CCNI: variants seen among roughly 807,000 people sequenced by gnomAD.
CCNI encodes cyclin I, also known as cyclin-I.
Under a neutral mutation model 34.1 loss-of-function variants are expected in CCNI, and 14 were observed. The ratio of observed to expected loss-of-function variants is 0.41; its 90% confidence interval spans 0.27 to 0.64. CCNI has a LOEUF of 0.64. Among genes scored for constraint, CCNI ranks in the 30% least tolerant of loss-of-function variants. The pLI is 0.31. For synonymous variants in CCNI, 154 were observed against 158.4 expected (o/e 0.97, Z 0.21); for missense variants, 385 against 440.5 (o/e 0.87, Z 1.13).
chr4:77,062,491 T>C (rs1038112913), intron 2 of CCNI, among the ~76,000 whole-genome samples: 14 of 151,144 alleles, frequency 9.3e-5, no homozygotes, highest in African/African-American at 3.4e-4. Context: ...GCCTGGGAAA[T>C]AGAGGCTGTA....
chr4:77,070,316 C>T (rs1729363458), intron 1 of CCNI, among the ~76,000 whole-genome samples: 1 of 149,426 alleles, frequency 6.7e-6, no homozygotes, highest in Non-Finnish European at 1.5e-5. Flanking sequence ...CACTCGTGGC[C>T]CTCATTAGCT....
intron 1 of CCNI, among the ~76,000 whole-genome samples, chr4:77,073,104 C>G (rs2109855187): frequency 1.3e-5 from 2 of 152,270 alleles, no homozygotes; most frequent in Admixed American, 1.3e-4. Context: ...TTACTGTATG[C>G]CTATTGTTGG....
chr4:77,059,587 C>G lies in CCNI; in HGVS notation c.115-952G>C, dbSNP rs945326458. On this transcript the variant is annotated intron_variant, in intron 2 of 6. Coordinates refer to ENST00000237654, the MANE Select transcript of CCNI (RefSeq NM_006835.3). The stretch of plus-strand genomic sequence containing the variant: ...TAAATGTATAATTCATCTGTTGCCC[C>G]TGGTAACTTTCACTTATTAATATTG... Among the ~76,000 whole-genome samples, 13 of 151,864 alleles carry G rather than the reference C, an allele frequency of 8.6e-5. 1 individual carries two copies. The highest frequency in any genetic ancestry group is 6.6e-5 in the Admixed American group (1 of 15,242).
At chr4:77,050,729 G>A (rs4252935) in intron 6 of CCNI, among the ~76,000 whole-genome samples, 3,808 of 151,992 alleles carry the variant, frequency 0.025, 62 homozygotes, top group Non-Finnish European at 0.04. Flanking sequence ...TTACATTTAG[G>A]CTAGGTCTTA....
intron 6 of CCNI, among the ~76,000 whole-genome samples, chr4:77,049,954 C>G (rs773997869): frequency 3.3e-5 from 5 of 152,100 alleles, no homozygotes; most frequent in Non-Finnish European, 7.4e-5. Flanking sequence ...TCCTTCCCTG[C>G]TCTCTCCAGC....
intron 1 of CCNI, among the ~76,000 whole-genome samples, chr4:77,070,720 G>A (rs1473336326): frequency 6.6e-6 from 1 of 152,112 alleles, no homozygotes; most frequent in Non-Finnish European, 1.5e-5. Flanking sequence ...GCCAGGTGCT[G>A]TGGCTCATTC....
Position 77,058,524 on chromosome 4 carries a change from A to T in CCNI, c.226T>A (p.Phe76Ile), listed in dbSNP as rs1044685702. The T allele has an allele frequency of 1.2e-6, 2 of 1,613,276 alleles. No individual in the cohort carries two copies. The highest frequency in any genetic ancestry group is 1.1e-5 in the South Asian group (1 of 90,974). ...ACACTTACCTTTACGGTAGCTAAAA[A>T]CCTATCCAAAAGACTGCTAGCCAGA... ...FALASSLLDR[F>I]LATVKAHPKY... is the part of the protein sequence containing the mutation. Residue 76 changes from phenylalanine (F) to isoleucine (I), a missense_variant, in exon 3 of 7, where the codon TTT (phenylalanine) becomes ATT (isoleucine). Physicochemically the swap from Phe to Ile is conservative, Grantham distance 21 (BLOSUM62 0). Around this residue, in one of 2 missense-constraint regions of CCNI, gnomAD observed 135 missense variants for 191.8 expected, o/e 0.70. Coordinates refer to ENST00000237654, the MANE Select transcript of CCNI (RefSeq NM_006835.3).
intron 6 of CCNI, among the ~76,000 whole-genome samples, chr4:77,049,912 T>C (rs999746824): frequency 1.3e-5 from 2 of 152,140 alleles, no homozygotes; most frequent in African/African-American, 2.4e-5. Context: ...AATTACAGCA[T>C]TGTCAAAATA....
chr4:77,048,009 T>C lies in CCNI; in HGVS notation c.*210A>G. 1 of 414,504 alleles carries C rather than the reference T, an allele frequency of 2.4e-6. No homozygotes were observed. The highest frequency in any genetic ancestry group is 4.2e-6 in the Non-Finnish European group (1 of 237,730). 25.7% of individuals were successfully genotyped at this position (414,504 alleles called of 1,614,324 possible). Reference sequence around the variant, plus strand: ...TAAAAAAAGTTTGGATCTTTTGGATTTCTTTTTTTTTTTTTTGGTCTTTAT... The same window carrying C: ...TAAAAAAAGTTTGGATCTTTTGGATCTCTTTTTTTTTTTTTTGGTCTTTAT... On this transcript the variant is annotated 3_prime_UTR_variant, in exon 7 of 7. Coordinates refer to ENST00000237654, the MANE Select transcript of CCNI (RefSeq NM_006835.3).
chr4:77,065,794 A>C lies in CCNI; in HGVS notation c.114+455T>G, dbSNP rs4252827. Among the ~76,000 whole-genome samples the C allele has an allele frequency of 2.8e-3, 433 of 152,358 alleles. 2 individuals are homozygous for C. Among genetic ancestry groups the C allele is most frequent in the African/African-American group, 9.8e-3 (407 of 41,588 alleles). On this transcript the variant is annotated intron_variant, in intron 2 of 6. Transcript: ENST00000237654. ...TTCAGAAAGAAAAGGCCACAGCAGG[A>C]GCAGGAGTTTTTAAAAAAGAAGAGG...
intron 1 of CCNI, among the ~76,000 whole-genome samples, chr4:77,069,134 T>C (rs1729268898): frequency 6.6e-6 from 1 of 152,194 alleles, no homozygotes; most frequent in African/African-American, 2.4e-5. Context: ...TATAAATTCC[T>C]GGCCAGGCGC....
rs1727556541 is a variant in CCNI at position 77,048,119 on chromosome 4, G to GT, written c.*99dup. 1.2e-6 allele frequency: 1 copy of GT among 810,496 alleles called. No individual in the cohort carries two copies. The highest frequency in any genetic ancestry group is 1.7e-5 in the African/African-American group (1 of 58,008). The allele number at this position is 810,496 out of a possible 1,614,324, so 50.2% of individuals were successfully genotyped here. ...TTTCTGGCTCACTCCAAATCAGCCT[G>GT]TTAAGGTATATTTCCTTCTACAGCC... On this transcript the variant is annotated 3_prime_UTR_variant, in exon 7 of 7. Transcript: ENST00000237654.
intron 2 of CCNI, among the ~76,000 whole-genome samples, chr4:77,065,558 C>A (rs556761025): frequency 5.0e-4 from 76 of 152,256 alleles, no homozygotes; most frequent in Non-Finnish European, 9.9e-4. Flanking sequence ...AACTCCTTAC[C>A]GCTAATGATG....
At chr4:77,052,633 C>G (rs1184990702) in intron 6 of CCNI, among the ~76,000 whole-genome samples, 1 of 152,096 alleles carries the variant, frequency 6.6e-6, no homozygotes, top group Non-Finnish European at 1.5e-5. Flanking sequence ...ATGGACTCTC[C>G]TCAAACCAAG....
At chr4:77,064,987 T>C (rs1728931822) in intron 2 of CCNI, 1 of 152,326 alleles carries the variant, frequency 6.6e-6, no homozygotes, top group African/African-American at 2.4e-5. Flanking sequence ...GCCCAAATTA[T>C]CATTCTATTA....
Position 77,048,002 on chromosome 4 carries a change from T to G in CCNI, c.*217A>C. On this transcript the variant is annotated 3_prime_UTR_variant, in exon 7 of 7. Transcript: ENST00000237654. ...TTAAGTTTAAAAAAAGTTTGGATCT[T>G]TTGGATTTCTTTTTTTTTTTTTTGG... The G allele has an allele frequency of 7.3e-6, 3 of 410,770 alleles. No individual in the cohort carries two copies. Among genetic ancestry groups the G allele is most frequent in the Middle Eastern group, 6.5e-4 (1 of 1,544 alleles). The allele number at this position is 410,770 out of a possible 1,614,324, so 25.4% of individuals were successfully genotyped here. A position where few individuals can be genotyped will look rare whatever the true frequency, so the allele number is the denominator to read the frequency against.
chr4:77,071,119 CAGAA>C (rs1729436273), intron 1 of CCNI, among the ~76,000 whole-genome samples: 1 of 152,120 alleles, frequency 6.6e-6, no homozygotes, highest in Non-Finnish European at 1.5e-5. Context: ...TTAGATGGTA[CAGAA>C]AGAGACACAT....
chr4:77,048,399 C>T lies in CCNI; in HGVS notation c.954G>A (p.Gln318=). Reference sequence around the variant, plus strand: ...CCTCTACTTTGCGTTTAGTAGAGGTCTGCTTGCACCCACTGGCAGCTGGGA... The same window carrying T: ...CCTCTACTTTGCGTTTAGTAGAGGTTTGCTTGCACCCACTGGCAGCTGGGA... ...HHLPAASGCK[Q]TSTKRKVEEM... is the part of the protein sequence containing the mutation. The change falls in exon 7 of 7, where the codon CAG becomes CAA. Residue 318 remains glutamine, a synonymous_variant. Coordinates refer to ENST00000237654, the MANE Select transcript of CCNI (RefSeq NM_006835.3). 1 of 1,614,032 alleles carries T rather than the reference C, an allele frequency of 6.2e-7. No individual in the cohort carries two copies. The highest frequency in any genetic ancestry group is 8.5e-7 in the Non-Finnish European group (1 of 1,179,992).
intron 2 of CCNI, among the ~76,000 whole-genome samples, chr4:77,064,217 T>C (rs1728846294): frequency 6.7e-6 from 1 of 149,670 alleles, no homozygotes; most frequent in Admixed American, 6.7e-5. Context: ...CACTCCAGCC[T>C]GGGCAAAAAG....
Sources: allele counts gnomAD v4.1 joint callset (sites outside exome capture counted in the v4.1 genomes callset), GRCh38; gene constraint gnomAD v4.1.1; regional missense constraint gnomAD v4.1.1; transcripts MANE v1.5; gene names NCBI Gene and HGNC (gene_info 2026-07-23, HGNC 2026-07-21).